Variants in CCDC85A observed in about 807,000 individuals in gnomAD.
CCDC85A encodes coiled-coil domain-containing protein 85A.
CCDC85A carries 38 observed loss-of-function variants against 50.2 expected under a neutral mutation model. The observed-to-expected ratio is 0.76, with a 90% CI of 0.58 to 0.99. The LOEUF (loss-of-function observed/expected upper bound fraction) is 0.99, where lower values mean the gene tolerates loss of function less well. Ranked by LOEUF, CCDC85A falls within the 50% of genes least tolerant of loss-of-function variation. CCDC85A has a pLI of 0.00. For missense variants in CCDC85A, 820 were observed against 742.0 expected (o/e 1.11, Z -1.22); for synonymous variants, 366 against 301.4 (o/e 1.21, Z -2.22).
At chr2:56,367,922 C>T (rs1043692593) in intron 3 of CCDC85A, among the ~76,000 whole-genome samples, 15 of 150,688 alleles carry the variant, frequency 1.0e-4, no homozygotes, top group Non-Finnish European at 2.1e-4. Context: ...ATTATTTACA[C>T]TGTATAGATG....
At chr2:56,254,547 G>A (rs367970854) in intron 2 of CCDC85A, among the ~76,000 whole-genome samples, 2 of 152,168 alleles carry the variant, frequency 1.3e-5, no homozygotes, top group South Asian at 4.1e-4. Flanking sequence ...CAGTTCACAA[G>A]TGTTTATTCA....
At chr2:56,241,548 G>T (rs1164751474) in intron 2 of CCDC85A, among the ~76,000 whole-genome samples, 2 of 149,974 alleles carry the variant, frequency 1.3e-5, no homozygotes, top group Non-Finnish European at 3.0e-5. Context: ...CAATTGTTTT[G>T]ATTTTTAGCT....
chr2:56,264,481 C>T (rs1435531362), intron 2 of CCDC85A, among the ~76,000 whole-genome samples: 2 of 152,134 alleles, frequency 1.3e-5, no homozygotes, highest in Non-Finnish European at 2.9e-5. Context: ...CAAATCCTTT[C>T]AGCTCTATTT....
chr2:56,291,239 A>G (rs1451901121), intron 2 of CCDC85A, among the ~76,000 whole-genome samples: 2 of 152,238 alleles, frequency 1.3e-5, no homozygotes, highest in African/African-American at 2.4e-5. Context: ...AGATGCATAG[A>G]TGGATCTAAC....
intron 2 of CCDC85A, among the ~76,000 whole-genome samples, chr2:56,275,270 G>A (rs138248724): frequency 1.9e-3 from 296 of 152,280 alleles, no homozygotes; most frequent in African/African-American, 6.6e-3. Flanking sequence ...CATGAATACA[G>A]CAACCTGTAT....
intron 2 of CCDC85A, among the ~76,000 whole-genome samples, chr2:56,290,166 A>G (rs1671637078): frequency 6.6e-6 from 1 of 152,182 alleles, no homozygotes; most frequent in African/African-American, 2.4e-5. Context: ...CTCAAGCTCT[A>G]TGTCTGTAAT....
chr2:56,215,486 A>G (rs957268715), intron 2 of CCDC85A, among the ~76,000 whole-genome samples: 1 of 151,742 alleles, frequency 6.6e-6, no homozygotes, highest in African/African-American at 2.4e-5. Context: ...GGGGGAAGGC[A>G]TCCAGTTTTT....
chr2:56,306,602 C>T (rs1672458916), intron 2 of CCDC85A, among the ~76,000 whole-genome samples: 1 of 152,176 alleles, frequency 6.6e-6, no homozygotes, highest in Non-Finnish European at 1.5e-5. Context: ...GCAGTTATGT[C>T]ATATGAGTAT....
At chr2:56,354,330 T>A (rs1344609946) in intron 3 of CCDC85A, among the ~76,000 whole-genome samples, 1 of 152,186 alleles carries the variant, frequency 6.6e-6, no homozygotes, top group Non-Finnish European at 1.5e-5. Flanking sequence ...GTATCACACA[T>A]TAGTTTTTTC....
intron 5 of CCDC85A, chr2:56,379,816 A>G (rs974185653): frequency 8.1e-6 from 8 of 984,156 alleles, no homozygotes; most frequent in African/African-American, 1.7e-5. Flanking sequence ...CCTTAGTGAG[A>G]CAGAAAAAGC....
At chr2:56,229,581 A>C (rs182291074) in intron 2 of CCDC85A, among the ~76,000 whole-genome samples, 64 of 152,256 alleles carry the variant, frequency 4.2e-4, no homozygotes, top group African/African-American at 1.4e-3. Flanking sequence ...GAGAAAGAAA[A>C]ACAGAAAAAG....
At chr2:56,313,472 C>A (rs937222339) in intron 2 of CCDC85A, among the ~76,000 whole-genome samples, 3 of 152,028 alleles carry the variant, frequency 2.0e-5, no homozygotes, top group South Asian at 2.1e-4. Flanking sequence ...ATTCTCTGGG[C>A]AGTATTTTTG....
intron 2 of CCDC85A, among the ~76,000 whole-genome samples, chr2:56,216,216 A>C (rs971273924): frequency 1.3e-5 from 2 of 151,894 alleles, no homozygotes; most frequent in African/African-American, 4.8e-5. Context: ...ATACTTGTGC[A>C]TCTAAGCATG....
intron 3 of CCDC85A, among the ~76,000 whole-genome samples, chr2:56,364,102 G>T (rs953949146): frequency 2.0e-5 from 3 of 152,172 alleles, no homozygotes; most frequent in Non-Finnish European, 2.9e-5. Context: ...TTGCCTAGAA[G>T]TAGTTGCCTA....
chr2:56,270,051 ACCCTAC>A (rs1416027398), intron 2 of CCDC85A, among the ~76,000 whole-genome samples: 3 of 152,048 alleles, frequency 2.0e-5, no homozygotes, highest in Non-Finnish European at 1.5e-5. Flanking sequence ...TGTCAAATAC[ACCCTAC>A]CTGTTTTCGT....
chr2:56,291,668 G>A (rs923386060), intron 2 of CCDC85A, among the ~76,000 whole-genome samples: 1 of 151,740 alleles, frequency 6.6e-6, no homozygotes, highest in Non-Finnish European at 1.5e-5. Flanking sequence ...GAACTTTGTA[G>A]ACAAAGGGAC....
At chr2:56,294,314 A>G (rs1285622477) in intron 2 of CCDC85A, among the ~76,000 whole-genome samples, 1 of 152,186 alleles carries the variant, frequency 6.6e-6, no homozygotes, top group South Asian at 2.1e-4. Flanking sequence ...GAGAGCATCA[A>G]GATAAGTAGC....
chr2:56,354,864 T>C (rs1675141760), intron 3 of CCDC85A, among the ~76,000 whole-genome samples: 1 of 152,198 alleles, frequency 6.6e-6, no homozygotes, highest in Admixed American at 6.5e-5. Flanking sequence ...CTAACATCAA[T>C]AATCAATGGA....
At chr2:56,296,270 G>A (rs562142935) in intron 2 of CCDC85A, among the ~76,000 whole-genome samples, 11 of 152,242 alleles carry the variant, frequency 7.2e-5, no homozygotes, top group African/African-American at 2.6e-4. Context: ...GTATCCCAAA[G>A]CGTCACTAAT....
Sources: allele counts gnomAD v4.1 joint callset (sites outside exome capture counted in the v4.1 genomes callset), GRCh38; gene constraint gnomAD v4.1.1; transcripts MANE v1.5; gene names NCBI Gene and HGNC (gene_info 2026-07-23, HGNC 2026-07-21).